Variants in DPF3 observed in about 807,000 individuals in gnomAD.
DPF3 encodes zinc finger protein DPF3.
A neutral mutation model predicts 56.8 loss-of-function variants in DPF3; 18 were observed. The observed-to-expected ratio is 0.32, with a 90% confidence interval of 0.22 to 0.47. The LOEUF (loss-of-function observed/expected upper bound fraction) is 0.47. Among genes scored for constraint, DPF3 ranks in the 20% least tolerant of loss-of-function variants. The pLI, the probability that DPF3 is intolerant of heterozygous loss-of-function variation, is 1.00. For missense variants in DPF3, 403 were observed against 488.8 expected (o/e 0.82, Z 1.65); for synonymous variants, 188 against 180.2 (o/e 1.04, Z -0.35).
At chr14:72,822,528 A>G (rs952570092) in intron 1 of DPF3, among the ~76,000 whole-genome samples, 2 of 152,256 alleles carry the variant, frequency 1.3e-5, no homozygotes, top group Admixed American at 1.3e-4. Context: ...ACATCACCAG[A>G]AAGATACAGA....
chr14:72,807,388 C>CATT (rs947110924), intron 1 of DPF3, among the ~76,000 whole-genome samples: 8 of 152,058 alleles, frequency 5.3e-5, no homozygotes, highest in African/African-American at 7.2e-5. Flanking sequence ...TCAATAAATA[C>CATT]ATTATTATTA....
intron 2 of DPF3, among the ~76,000 whole-genome samples, chr14:72,764,455 T>C (rs1452558967): frequency 6.7e-6 from 1 of 149,892 alleles, no homozygotes; most frequent in Non-Finnish European, 1.5e-5. Flanking sequence ...TAAACTGGCA[T>C]TCTAGTATGC....
chr14:72,868,005 T>C (rs1277609213), intron 1 of DPF3, among the ~76,000 whole-genome samples: 1 of 152,138 alleles, frequency 6.6e-6, no homozygotes, highest in Non-Finnish European at 1.5e-5. Context: ...CCTCCCAAAG[T>C]GCTGGATTAC....
chr14:72,801,838 G>C (rs1892904759), intron 1 of DPF3, among the ~76,000 whole-genome samples: 1 of 152,106 alleles, frequency 6.6e-6, no homozygotes, highest in South Asian at 2.1e-4. Flanking sequence ...TTACAGCCAG[G>C]GACTGAAGGT....
Position 72,619,223 on chromosome 14 carries a change from A to G in DPF3, c.*74T>C. 7.1e-7 allele frequency: 1 copy of G among 1,417,812 alleles called. No individual in the cohort carries two copies. Among genetic ancestry groups the G allele is most frequent in the Non-Finnish European group, 9.5e-7 (1 of 1,048,754 alleles). 87.8% of individuals were successfully genotyped at this position (1,417,812 alleles called of 1,614,324 possible). On this transcript the variant is annotated 3_prime_UTR_variant, in exon 11 of 11. Coordinates refer to ENST00000556509, the MANE Select transcript of DPF3 (RefSeq NM_001280542.3). ...TTGGTCTGGCTGGATATGTGGGAGG[A>G]GGGCGCGTTCTGGTTTGAACTGGGC...
At chr14:72,855,747 A>G (rs1885148301) in intron 1 of DPF3, among the ~76,000 whole-genome samples, 1 of 152,144 alleles carries the variant, frequency 6.6e-6, no homozygotes, top group Admixed American at 6.5e-5. Context: ...GCAGTATGTA[A>G]CCCACATATA....
At chr14:72,875,448 A>T (rs950850088) in intron 1 of DPF3, among the ~76,000 whole-genome samples, 1 of 152,200 alleles carries the variant, frequency 6.6e-6, no homozygotes, top group Non-Finnish European at 1.5e-5. Context: ...AGCACTTTAC[A>T]TACATTAACT....
At chr14:72,803,902 G>A (rs1359232014) in intron 1 of DPF3, among the ~76,000 whole-genome samples, 2 of 151,444 alleles carry the variant, frequency 1.3e-5, no homozygotes, top group Admixed American at 1.3e-4. Flanking sequence ...GAGGTCATTG[G>A]CAATGTGGTG....
At position 72,884,940 on chromosome 14, in the gene DPF3, CTATATATATATATA is replaced by C. The variant is rs773450437; in HGVS notation, c.32+9103_32+9116del. Among the ~76,000 whole-genome samples the C allele has an allele frequency of 2.0e-3, 60 of 29,620 alleles. 6 individuals carry two copies. The highest frequency in any genetic ancestry group is 0.019 in the East Asian group (8 of 424). The allele number at this position is 29,620 out of a possible 152,430, so 19.4% of individuals were successfully genotyped here. A position where few individuals can be genotyped will look rare whatever the true frequency, so the allele number is the denominator to read the frequency against. The stretch of plus-strand genomic sequence containing the variant: ...TGAAACCCCGTCTCTACTAAAAATA[CTATATATATATATA>C]TATATATATATATATATTAGCCGGG... On this transcript the variant is annotated intron_variant, in intron 1 of 10. Coordinates refer to ENST00000556509, the MANE Select transcript of DPF3 (RefSeq NM_001280542.3).
rs563123752 is a variant in DPF3, at chr14:72,714,531, G to A, written c.526-30C>T. The A allele has an allele frequency of 2.7e-5, 44 of 1,612,262 alleles. 2 individuals carry two copies. The Admixed American group carries it at 5.5e-4, about 20-fold the overall frequency. ...GGAGACATTGGGGTACAGGATGCTT[G>A]TTACCATGGTCATCACTACAGCTCC... On this transcript the variant is annotated intron_variant, in intron 5 of 10. Transcript: ENST00000556509.
chr14:72,826,886 C>CA (rs1172089404), intron 1 of DPF3, among the ~76,000 whole-genome samples: 2 of 151,922 alleles, frequency 1.3e-5, no homozygotes. Context: ...ATTAAAAATA[C>CA]AAAAAATTAG....
chr14:72,785,500 T>C (rs1892174140), intron 1 of DPF3, among the ~76,000 whole-genome samples: 1 of 152,160 alleles, frequency 6.6e-6, no homozygotes, highest in East Asian at 1.9e-4. Flanking sequence ...AAGGGCGCCA[T>C]TACCCCCTCA....
intron 1 of DPF3, among the ~76,000 whole-genome samples, chr14:72,799,440 G>C (rs1892777259): frequency 6.6e-6 from 1 of 152,090 alleles, no homozygotes; most frequent in Non-Finnish European, 1.5e-5. Context: ...TGAGGAAGGA[G>C]GATTATTTGA....
chr14:72,850,565 A>T (rs935856440), intron 1 of DPF3, among the ~76,000 whole-genome samples: 1 of 152,174 alleles, frequency 6.6e-6, no homozygotes, highest in Admixed American at 6.5e-5. Flanking sequence ...CAGTCACTGC[A>T]CTCATCCATG....
chr14:72,851,768 C>T (rs548215415), intron 1 of DPF3, among the ~76,000 whole-genome samples: 10 of 152,348 alleles, frequency 6.6e-5, no homozygotes, highest in Admixed American at 6.5e-5. Flanking sequence ...ACTCGAGGAT[C>T]TGTTCCTCCC....
At chr14:72,774,262 TA>T (rs777564213) in intron 1 of DPF3, among the ~76,000 whole-genome samples, 18,295 of 60,750 alleles carry the variant, frequency 0.3, 1,338 homozygotes, top group Middle Eastern at 0.36. Context: ...AGACTCTGTC[TA>T]AAAAAAAAAA....
At position 72,799,834 on chromosome 14, in the gene DPF3, C is replaced by G. The variant is rs1356163469; in HGVS notation, c.33-27941G>C. On this transcript the variant is annotated intron_variant, in intron 1 of 10. Coordinates refer to ENST00000556509, the MANE Select transcript of DPF3 (RefSeq NM_001280542.3). The stretch of plus-strand genomic sequence containing the variant: ...TATACCTGAAGCAGCTGGGAGCCAC[C>G]CATCAAGCAGGCCTGTTTACAAAGG... 2.0e-5 allele frequency among the ~76,000 whole-genome samples: 3 copies of G among 151,948 alleles called. No individual in the cohort carries two copies. The East Asian group carries it at 5.8e-4, about 29-fold the overall frequency.
chr14:72,802,394 C>A (rs1191974863), intron 1 of DPF3, among the ~76,000 whole-genome samples: 2 of 152,210 alleles, frequency 1.3e-5, no homozygotes, highest in Non-Finnish European at 2.9e-5. Flanking sequence ...GAACCCTTCA[C>A]ACAGCTCCTA....
intron 5 of DPF3, among the ~76,000 whole-genome samples, chr14:72,715,609 G>T (rs927310090): frequency 2.0e-5 from 3 of 151,730 alleles, no homozygotes; most frequent in African/African-American, 7.3e-5. Context: ...GAAAGGCCTT[G>T]GATACTCTCA....
Sources: gnomAD v4.1 joint callset for allele counts (sites outside exome capture counted in the v4.1 genomes callset) on GRCh38, gnomAD v4.1.1 for gene constraint, MANE v1.5 for transcripts, NCBI Gene and HGNC (gene_info 2026-07-23, HGNC 2026-07-21) for gene names.